ABLIM1: variants seen among roughly 807,000 people sequenced by gnomAD.
ABLIM1 encodes actin-binding LIM protein 1.
ABLIM1 carries 40 observed loss-of-function variants against 107.0 expected under a neutral mutation model. The observed-to-expected ratio is 0.37, with a 90% CI of 0.29 to 0.49. The LOEUF (loss-of-function observed/expected upper bound fraction) is 0.49. Among genes scored for constraint, ABLIM1 ranks in the 20% least tolerant of loss-of-function variants. The pLI is 0.97. For missense variants in ABLIM1, 857 were observed against 1,008.5 expected, an observed-to-expected ratio of 0.85 and a Z score of 2.04; for synonymous variants, 357 against 357.3, an observed-to-expected ratio of 1.00 and a Z score of 0.01.
chr10:114,479,469 C>T (rs1727696166), intron 8 of ABLIM1, among the ~76,000 whole-genome samples: 1 of 152,186 alleles, frequency 6.6e-6, no homozygotes, highest in Non-Finnish European at 1.5e-5. Context: ...GATAGCCTTC[C>T]CCTCCTTGAG....
intron 2 of ABLIM1, among the ~76,000 whole-genome samples, chr10:114,594,018 T>G (rs535526173): frequency 6.6e-6 from 1 of 152,232 alleles, no homozygotes; most frequent in Non-Finnish European, 1.5e-5. Flanking sequence ...ATCACACTTA[T>G]GTTTCTCTCA....
At chr10:114,698,819 T>C (rs2081247771) in intron 1 of ABLIM1, among the ~76,000 whole-genome samples, 1 of 152,068 alleles carries the variant, frequency 6.6e-6, no homozygotes, top group South Asian at 2.1e-4. Context: ...TTATGCACCC[T>C]TACTGAAAAA....
chr10:114,799,025 T>C, the ABLIM1 span, among the ~76,000 whole-genome samples: 1 of 152,004 alleles, frequency 6.6e-6, no homozygotes, highest in East Asian at 1.9e-4. Flanking sequence ...GTCTCAATCT[T>C]TTGACCTCAT....
At chr10:114,448,604 TTTA>T (rs60805531) in intron 14 of ABLIM1, among the ~76,000 whole-genome samples, 13 of 149,678 alleles carry the variant, frequency 8.7e-5, no homozygotes, top group Admixed American at 3.3e-4. Context: ...AGATCATTCT[TTTA>T]TTATTATTAT....
intron 1 of ABLIM1, among the ~76,000 whole-genome samples, chr10:114,692,255 T>C (rs1389250664): frequency 2.0e-5 from 3 of 152,268 alleles, no homozygotes; most frequent in African/African-American, 2.4e-5. Flanking sequence ...AAGCATTTTA[T>C]TGATGGTCTC....
At chr10:114,651,115 C>T (rs938274196) in intron 1 of ABLIM1, among the ~76,000 whole-genome samples, 3 of 152,194 alleles carry the variant, frequency 2.0e-5, no homozygotes, top group African/African-American at 7.2e-5. Context: ...CTCCTGGCCT[C>T]AGCTACTTGA....
chr10:114,735,213 G>C (rs2082154191), intron 1 of ABLIM1, among the ~76,000 whole-genome samples: 1 of 152,208 alleles, frequency 6.6e-6, no homozygotes, highest in African/African-American at 2.4e-5. Context: ...AACATGAAGA[G>C]AGGAAGGCAG....
intron 14 of ABLIM1, among the ~76,000 whole-genome samples, chr10:114,448,632 G>C (rs1049317448): frequency 8.4e-6 from 1 of 118,812 alleles, no homozygotes; most frequent in Admixed American, 7.7e-5. Context: ...ATTATTATTT[G>C]AGACAGAGTC....
intron 1 of ABLIM1, among the ~76,000 whole-genome samples, chr10:114,761,118 G>A (rs939661549): frequency 3.9e-5 from 6 of 152,084 alleles, no homozygotes; most frequent in East Asian, 3.9e-4. Flanking sequence ...GAAAGAAACC[G>A]ATAAAGCTAG....
chr10:114,634,150 T>TTTTTTTTTTTTTTATAAG, intron 1 of ABLIM1, among the ~76,000 whole-genome samples: 1 of 127,468 alleles, frequency 7.8e-6, no homozygotes, highest in African/African-American at 3.0e-5. Context: ...TTTTTTTTTT[T>TTTTTTTTTTTTTTATAAG]GAGACGGAGT....
intron 1 of ABLIM1, among the ~76,000 whole-genome samples, chr10:114,728,547 C>A (rs1591899510): frequency 2.5e-5 from 3 of 118,098 alleles, no homozygotes; most frequent in Non-Finnish European, 3.5e-5. Context: ...TGAGCTATAG[C>A]AACATGTACC....
intron 4 of ABLIM1, among the ~76,000 whole-genome samples, chr10:114,550,522 C>A (rs1591124576): frequency 1.3e-5 from 2 of 152,148 alleles, no homozygotes; most frequent in South Asian, 4.2e-4. Context: ...CAGAGTGGAA[C>A]CATTGTTATA....
chr10:114,462,424 T>C (rs2064138503), intron 12 of ABLIM1, among the ~76,000 whole-genome samples: 1 of 151,954 alleles, frequency 6.6e-6, no homozygotes, highest in Non-Finnish European at 1.5e-5. Context: ...TTGCCGACAA[T>C]GATGAAAAAG....
chr10:114,488,820 T>C (rs1425267688), intron 7 of ABLIM1, among the ~76,000 whole-genome samples: 1 of 152,234 alleles, frequency 6.6e-6, no homozygotes, highest in East Asian at 1.9e-4. Context: ...ACATATCAAA[T>C]ATGTCATTTA....
chr10:114,481,306 G>C (rs917965065), intron 8 of ABLIM1, among the ~76,000 whole-genome samples: 1 of 151,864 alleles, frequency 6.6e-6, no homozygotes, highest in Non-Finnish European at 1.5e-5. Context: ...AGCAGGAGCA[G>C]GGATGCAACA....
chr10:114,441,346 T>C (rs1239182589), intron 18 of ABLIM1, among the ~76,000 whole-genome samples: 2 of 152,222 alleles, frequency 1.3e-5, no homozygotes, highest in African/African-American at 4.8e-5. Context: ...TACATAATTG[T>C]ATTTGTTCCA....
intron 2 of ABLIM1, among the ~76,000 whole-genome samples, chr10:114,587,089 G>T (rs964519865): frequency 3.3e-5 from 5 of 152,292 alleles, no homozygotes; most frequent in African/African-American, 1.2e-4. Context: ...TGGCAAAAAT[G>T]GAAAGTACGA....
chr10:114,741,016 C>T (rs2082275772), intron 1 of ABLIM1, among the ~76,000 whole-genome samples: 1 of 149,658 alleles, frequency 6.7e-6, no homozygotes, highest in Non-Finnish European at 1.5e-5. Flanking sequence ...CTGGGTGACA[C>T]AGCGAGATCC....
chr10:114,488,114 C>G, intron 7 of ABLIM1, 98 bp from the exon 8 acceptor site: 1 of 1,262,142 alleles, frequency 7.9e-7, no homozygotes. Flanking sequence ...CCCTCTTTCC[C>G]CATCATAGGA....
Sources: gnomAD v4.1 joint callset for allele counts (sites outside exome capture counted in the v4.1 genomes callset) on GRCh38, gnomAD v4.1.1 for gene constraint, MANE v1.5 for transcripts, NCBI Gene and HGNC (gene_info 2026-07-23, HGNC 2026-07-21) for gene names.